The following TNFRSF25 variants were observed in gnomAD, a reference collection of about 807,000 sequenced individuals.
The protein encoded by TNFRSF25 is TNF receptor superfamily member 25, also known as tumor necrosis factor receptor superfamily member 25.
Under a neutral mutation model 49.4 loss-of-function variants are expected in TNFRSF25, and 28 were observed. The ratio of observed to expected loss-of-function variants is 0.57; its 90% CI spans 0.42 to 0.78. TNFRSF25 has a LOEUF of 0.78. TNFRSF25 is among the 30% of genes least tolerant of loss of function. The pLI is 0.00. For synonymous variants in TNFRSF25, 240 were observed against 234.2 expected, an observed-to-expected ratio of 1.02 and a Z score of -0.23; for missense variants, 531 against 581.6, an observed-to-expected ratio of 0.91 and a Z score of 0.90.
chr1:6,465,964 C>A (rs1644353721), intron 1 of TNFRSF25, 105 bp downstream of exon 1: 3 of 1,486,404 alleles, frequency 2.0e-6, no homozygotes, highest in Middle Eastern at 1.8e-4. Context: ...GCCAACCCAG[C>A]CCCCAGTGAG....
Position 6,462,619 on chromosome 1 carries a change from AGG to A in TNFRSF25, c.744+8_744+9del. On this transcript the variant is annotated splice_region_variant and intron_variant, in intron 8 of 9. Coordinates refer to ENST00000356876, the MANE Select transcript of TNFRSF25 (RefSeq NM_003790.3). This position sits in a 1 kb window ranked among gnomAD's most constrained non-coding sequence, Gnocchi z 4.2. ...GAAGGCAGCCCAGAATCACACAGTG[AGG>A]TTCTTACCGGTGGTGGGGTCAGAGC... 1 of 1,612,720 alleles carries A rather than the reference AGG, an allele frequency of 6.2e-7. No individual in the cohort carries two copies. The highest frequency in any genetic ancestry group is 8.5e-7 in the Non-Finnish European group (1 of 1,179,372).
chr1:6,461,438 G>A lies in TNFRSF25; in HGVS notation c.1250C>T (p.Pro417Leu), dbSNP rs201515898. Reference sequence around the variant, plus strand: ...AGGTGGCAAGTGGGCGCCGTGTCACGGGCCGCGCTGCAGGCGGCTGCGCAA... The same window carrying A: ...AGGTGGCAAGTGGGCGCCGTGTCACAGGCCGCGCTGCAGGCGGCTGCGCAA... ...EDLRSRLQRG[P>L] is the part of the protein sequence containing the mutation. The change falls in exon 10 of 10, where the codon CCG becomes CTG. Residue 417 changes from proline to leucine, a missense_variant. Coordinates refer to ENST00000356876, the MANE Select transcript of TNFRSF25 (RefSeq NM_003790.3). The surrounding 1 kb of genome is among the most constrained non-coding windows in gnomAD (Gnocchi z 6.3). 3.3e-6 allele frequency: 5 copies of A among 1,508,810 alleles called. No homozygotes were observed. In the South Asian group the frequency reaches 3.9e-5, roughly 12 times the overall value. 93.5% of individuals were successfully genotyped at this position (1,508,810 alleles called of 1,614,324 possible). A position where few individuals can be genotyped will look rare whatever the true frequency, so the allele number is the denominator to read the frequency against.
At position 6,462,556 on chromosome 1, in the gene TNFRSF25, C is replaced by T; in HGVS notation, c.744+73G>A. 1.9e-6 allele frequency: 3 copies of T among 1,576,818 alleles called. No homozygotes were observed. The highest frequency in any genetic ancestry group is 2.6e-6 in the Non-Finnish European group (3 of 1,162,944). ...TACCCGGTGCTGGCCGCGTGCCAAG[C>T]TCCAGGGATCATAGTAAGGCTTGAT... is the stretch of plus-strand genomic sequence containing the variant. On this transcript the variant is annotated intron_variant, in intron 8 of 9. Coordinates refer to ENST00000356876, the MANE Select transcript of TNFRSF25 (RefSeq NM_003790.3). The surrounding 1 kb of genome is among the most constrained non-coding windows in gnomAD (Gnocchi z 4.2).
rs1644205268 is a variant in TNFRSF25, at chr1:6,462,446, G to C, written c.744+183C>G. ...CTCCTGTGTACGAATCTGAACTCCA[G>C]CTGACTGAGCACCCCTTGAGGGCAG... On this transcript the variant is annotated intron_variant, in intron 8 of 9. Coordinates refer to ENST00000356876, the MANE Select transcript of TNFRSF25 (RefSeq NM_003790.3). The surrounding 1 kb of genome is among the most constrained non-coding windows in gnomAD (Gnocchi z 4.2). The C allele has an allele frequency of 1.4e-6, 2 of 1,413,848 alleles. No individual in the cohort carries two copies. The highest frequency in any genetic ancestry group is 1.9e-6 in the Non-Finnish European group (2 of 1,067,774). The allele number at this position is 1,413,848 out of a possible 1,614,324, so 87.6% of individuals were successfully genotyped here.
Position 6,461,879 on chromosome 1 carries a change from G to C in TNFRSF25, c.925+115C>G. On this transcript the variant is annotated intron_variant, in intron 9 of 9. Transcript: ENST00000356876. The surrounding 1 kb of genome is among the most constrained non-coding windows in gnomAD (Gnocchi z 6.3). Reference sequence around the variant, plus strand: ...AGCCCGCTGGATCCGGTGGGTCAGGGCATAGGGCGGACTCCGTCAGTTAGG... The same window carrying C: ...AGCCCGCTGGATCCGGTGGGTCAGGCCATAGGGCGGACTCCGTCAGTTAGG... 1 of 1,469,206 alleles carries C rather than the reference G, an allele frequency of 6.8e-7. No homozygotes were observed. Among genetic ancestry groups the C allele is most frequent in the Non-Finnish European group, 9.0e-7 (1 of 1,112,096 alleles). The allele number at this position is 1,469,206 out of a possible 1,614,324, so 91.0% of individuals were successfully genotyped here.
Position 6,462,810 on chromosome 1 carries a change from C to T in TNFRSF25, c.706+53G>A. The T allele has an allele frequency of 2.5e-6, 4 of 1,569,426 alleles. No individual in the cohort carries two copies. Among genetic ancestry groups the T allele is most frequent in the Non-Finnish European group, 3.5e-6 (4 of 1,155,512 alleles). On this transcript the variant is annotated intron_variant, in intron 7 of 9. Coordinates refer to ENST00000356876, the MANE Select transcript of TNFRSF25 (RefSeq NM_003790.3). This position sits in a 1 kb window ranked among gnomAD's most constrained non-coding sequence, Gnocchi z 4.2. ...GTATCAGGGTTGAGTAGACTCTGGG[C>T]TACCCATCCTGACCCCAGGCTTCTG...
At position 6,465,070 on chromosome 1, in the gene TNFRSF25, C is replaced by A; in HGVS notation, c.295+18G>T. On this transcript the variant is annotated intron_variant, in intron 3 of 9. Coordinates refer to ENST00000356876, the MANE Select transcript of TNFRSF25 (RefSeq NM_003790.3). ...CTGTCCTTAGGAACTCCCTGCCAAG[C>A]ACTGAGAAGCCCCTCACCCTGCTCA... 6.2e-7 allele frequency: 1 copy of A among 1,605,174 alleles called. No homozygotes were observed. The highest frequency in any genetic ancestry group is 8.5e-7 in the Non-Finnish European group (1 of 1,175,998).
rs1644154911 is a variant in TNFRSF25 at position 6,461,022 on chromosome 1, G to A, written c.*412C>T. The stretch of plus-strand genomic sequence containing the variant: ...GGACTCGGGAGGGGCAGGCTTGGGA[G>A]CTAAGGCCACACTGGACTCCACCAT... On this transcript the variant is annotated 3_prime_UTR_variant, in exon 10 of 10. Transcript: ENST00000356876. The surrounding 1 kb of genome is among the most constrained non-coding windows in gnomAD (Gnocchi z 6.3). 4.9e-6 allele frequency: 2 copies of A among 409,210 alleles called. No individual in the cohort carries two copies. 25.3% of individuals were successfully genotyped at this position (409,210 alleles called of 1,614,324 possible). A position where few individuals can be genotyped will look rare whatever the true frequency, so the allele number is the denominator to read the frequency against.
At chr1:6,464,987 G>C (rs1644301267) in intron 3 of TNFRSF25, 101 bp downstream of exon 3, 4 of 1,518,170 alleles carry the variant, frequency 2.6e-6, no homozygotes, top group Non-Finnish European at 3.6e-6. Flanking sequence ...GCAAGGGTGG[G>C]TGCAGGACCC....
At chr1:6,463,418 C>A in intron 5 of TNFRSF25, 1 of 491,376 alleles carries the variant, frequency 2.0e-6, no homozygotes, top group Non-Finnish European at 3.6e-6. Context: ...TAGAACATAG[C>A]AGATATTCAA....
rs1232494377 is a variant in TNFRSF25 at position 6,462,688 on chromosome 1, C to T, written c.707-22G>A. 6.8e-6 allele frequency: 11 copies of T among 1,612,146 alleles called. No individual in the cohort carries two copies. Among genetic ancestry groups the T allele is most frequent in the Middle Eastern group, 1.7e-4 (1 of 6,046 alleles). On this transcript the variant is annotated intron_variant, in intron 7 of 9. Transcript: ENST00000356876. The surrounding 1 kb of genome is among the most constrained non-coding windows in gnomAD (Gnocchi z 4.2). ...TCTGCTGACAGACACAGAGAGATTG[C>T]GGTCAGCCACCAGGCAAGCCTCCTG...
chr1:6,464,192 C>T lies in TNFRSF25; in HGVS notation c.542+183G>A, dbSNP rs140642935. Reference sequence around the variant, plus strand: ...AATACCCTTATGTATCTGGCTAAGGCGGATCCAGATTGCTCTTTTGCCATC... The same window carrying T: ...AATACCCTTATGTATCTGGCTAAGGTGGATCCAGATTGCTCTTTTGCCATC... On this transcript the variant is annotated intron_variant, in intron 5 of 9. Transcript: ENST00000356876. The T allele has an allele frequency of 1.6e-4, 230 of 1,463,964 alleles. No individual in the cohort carries two copies. In the East Asian group the frequency reaches 5.2e-3, roughly 33 times the overall value. 90.7% of individuals were successfully genotyped at this position (1,463,964 alleles called of 1,614,324 possible).
chr1:6,463,873 C>A (rs1569792415), intron 5 of TNFRSF25: 1 of 157,038 alleles, frequency 6.4e-6, no homozygotes, highest in East Asian at 1.9e-4. Flanking sequence ...TGCACTTGCC[C>A]AAGATCCCCT....
Position 6,461,883 on chromosome 1 carries a change from A to G in TNFRSF25, c.925+111T>C. 6.8e-7 allele frequency: 1 copy of G among 1,473,414 alleles called. No individual in the cohort carries two copies. Among genetic ancestry groups the G allele is most frequent in the Non-Finnish European group, 9.0e-7 (1 of 1,114,808 alleles). The allele number at this position is 1,473,414 out of a possible 1,614,324, so 91.3% of individuals were successfully genotyped here. On this transcript the variant is annotated intron_variant, in intron 9 of 9. Coordinates refer to ENST00000356876, the MANE Select transcript of TNFRSF25 (RefSeq NM_003790.3). The surrounding 1 kb of genome is among the most constrained non-coding windows in gnomAD (Gnocchi z 6.3). ...CGCTGGATCCGGTGGGTCAGGGCAT[A>G]GGGCGGACTCCGTCAGTTAGGGGGC...
Position 6,462,253 on chromosome 1 carries a change from A to G in TNFRSF25, c.745-79T>C. The G allele has an allele frequency of 6.6e-7, 1 of 1,507,986 alleles. No individual in the cohort carries two copies. The highest frequency in any genetic ancestry group is 8.9e-7 in the Non-Finnish European group (1 of 1,124,148). The allele number at this position is 1,507,986 out of a possible 1,614,324, so 93.4% of individuals were successfully genotyped here. On this transcript the variant is annotated intron_variant, in intron 8 of 9. Coordinates refer to ENST00000356876, the MANE Select transcript of TNFRSF25 (RefSeq NM_003790.3). This position sits in a 1 kb window ranked among gnomAD's most constrained non-coding sequence, Gnocchi z 4.2. ...ACCCGCAGTGCCTCTCCAGGAGGGG[A>G]CAGTCCCTGGTTCAGTCAGCAGACA...
At chr1:6,463,508 C>CCT (rs1644241858) in intron 5 of TNFRSF25, 5 of 215,740 alleles carry the variant, frequency 2.3e-5, no homozygotes, top group Admixed American at 5.3e-5. Flanking sequence ...GGGTGGATCA[C>CCT]GAGGTCAGGT....
rs370819165 is a variant in TNFRSF25, at chr1:6,462,689, G to C, written c.707-23C>G. 5.6e-6 allele frequency: 9 copies of C among 1,612,462 alleles called. No homozygotes were observed. In the East Asian group the frequency reaches 1.3e-4, roughly 24 times the overall value. On this transcript the variant is annotated intron_variant, in intron 7 of 9. Transcript: ENST00000356876. This position sits in a 1 kb window ranked among gnomAD's most constrained non-coding sequence, Gnocchi z 4.2. The stretch of plus-strand genomic sequence containing the variant: ...CTGCTGACAGACACAGAGAGATTGC[G>C]GTCAGCCACCAGGCAAGCCTCCTGG...
rs35771371 is a variant in TNFRSF25 at position 6,465,532 on chromosome 1, C to T, written c.68G>A (p.Arg23Gln). The T allele has an allele frequency of 6.1e-3, 9,881 of 1,613,456 alleles. 358 individuals carry two copies. The African/African-American group carries it at 0.089, about 14-fold the overall frequency. ...AALLLVLLGARAQGGTRSPRC... is the reference protein window; with the variant it reads ...AALLLVLLGAQAQGGTRSPRC... Reference sequence around the variant, plus strand: ...GGGGCTACGAGTGCCGCCCTGGGCCCGGGCCCCCAGCAGCACCAGGAGGAG... The same window carrying T: ...GGGGCTACGAGTGCCGCCCTGGGCCTGGGCCCCCAGCAGCACCAGGAGGAG... The change falls in exon 2 of 10, where the codon CGG (arginine) becomes CAG (glutamine). Residue 23 changes from arginine to glutamine, a missense_variant. Transcript: ENST00000356876.
rs1184598425 is a variant in TNFRSF25, at chr1:6,461,238, C to CCT, written c.*194_*195dup. On this transcript the variant is annotated 3_prime_UTR_variant, in exon 10 of 10. Coordinates refer to ENST00000356876, the MANE Select transcript of TNFRSF25 (RefSeq NM_003790.3). The surrounding 1 kb of genome is among the most constrained non-coding windows in gnomAD (Gnocchi z 6.3). The stretch of plus-strand genomic sequence containing the variant: ...GAGAAGTTGAGAAATGTCTTCACCC[C>CCT]CTCTCGACATTCGTTCGTGCTTCTT... 2.1e-4 allele frequency: 155 copies of CCT among 751,434 alleles called. No homozygotes were observed. The highest frequency in any genetic ancestry group is 2.8e-4 in the Non-Finnish European group (117 of 417,462). 46.5% of individuals were successfully genotyped at this position (751,434 alleles called of 1,614,324 possible).
Sources: allele counts gnomAD v4.1 joint callset, GRCh38; gene constraint gnomAD v4.1.1; non-coding constraint Gnocchi (gnomAD v3.1); transcripts MANE v1.5; gene names NCBI Gene and HGNC (gene_info 2026-07-23, HGNC 2026-07-21).